IGDCC3: variants seen among roughly 807,000 people sequenced by gnomAD.
IGDCC3 encodes immunoglobulin superfamily DCC subclass member 3, also known as putative neuronal cell adhesion molecule.
IGDCC3 carries 47 observed loss-of-function variants against 72.0 expected under a neutral mutation model. That is an observed-to-expected ratio of 0.65 (90% CI 0.52 to 0.83). The LOEUF is 0.83. Ranked by LOEUF, IGDCC3 falls within the 40% of genes least tolerant of loss-of-function variation. The pLI is 0.00. For missense variants in IGDCC3, 1,038 were observed against 1,091.3 expected, an observed-to-expected ratio of 0.95 and a Z score of 0.69; for synonymous variants, 477 against 472.8, an observed-to-expected ratio of 1.01 and a Z score of -0.11.
chr15:65,335,658 A>G (rs902150467), intron 3 of IGDCC3, among the ~76,000 whole-genome samples, 154 bp downstream of exon 3: 7 of 152,160 alleles, frequency 4.6e-5, no homozygotes, highest in Non-Finnish European at 8.8e-5. Flanking sequence ...AGTCATGTGG[A>G]TACCCAGTCT....
At chr15:65,342,152 C>T (rs1260846582) in intron 2 of IGDCC3, among the ~76,000 whole-genome samples, 1 of 150,400 alleles carries the variant, frequency 6.6e-6, no homozygotes, top group Non-Finnish European at 1.5e-5. Flanking sequence ...TTTGGGAGGC[C>T]GAGGCGGGTG....
intron 3 of IGDCC3, 145 bp from the exon 4 acceptor site, chr15:65,335,566 T>G (rs2091020894): frequency 4.2e-6 from 4 of 947,590 alleles, no homozygotes; most frequent in Admixed American, 2.2e-5. Context: ...CTTTCAAAGG[T>G]GGACACACCC....
intron 2 of IGDCC3, among the ~76,000 whole-genome samples, chr15:65,345,274 C>T (rs1045521932): frequency 1.3e-5 from 2 of 151,952 alleles, no homozygotes; most frequent in African/African-American, 2.4e-5. Context: ...GGATGATGGC[C>T]AGGTGCAGTG....
chr15:65,371,597 T>A (rs1025944899), intron 2 of IGDCC3, among the ~76,000 whole-genome samples: 5 of 152,220 alleles, frequency 3.3e-5, no homozygotes, highest in African/African-American at 1.2e-4. Context: ...TTATCAAGAT[T>A]CCCAGGTGAT....
At chr15:65,353,735 A>G (rs999410907) in intron 2 of IGDCC3, among the ~76,000 whole-genome samples, 3 of 152,210 alleles carry the variant, frequency 2.0e-5, no homozygotes, top group Non-Finnish European at 4.4e-5. Flanking sequence ...CACCAGCACC[A>G]TGACAGTTTA....
At chr15:65,364,654 AG>A (rs1007569817) in intron 2 of IGDCC3, among the ~76,000 whole-genome samples, 109 of 152,240 alleles carry the variant, frequency 7.2e-4, no homozygotes, top group African/African-American at 2.6e-3. Flanking sequence ...TGGGAGGGTG[AG>A]GTGGGAGGAT....
At chr15:65,331,334 C>T (rs958162024) in intron 8 of IGDCC3, 78 bp downstream of exon 8, 47 of 1,563,072 alleles carry the variant, frequency 3.0e-5, no homozygotes, top group South Asian at 2.3e-4. Context: ...AGGGAGGCAT[C>T]GGGTCACGAC....
chr15:65,330,469 G>A, intron 10 of IGDCC3, 72 bp from the exon 11 acceptor site: 1 of 1,572,872 alleles, frequency 6.4e-7, no homozygotes, highest in Non-Finnish European at 8.7e-7. Flanking sequence ...AGGAAAGGGA[G>A]GTGACCCCTG....
At chr15:65,344,313 G>A (rs908310267) in intron 2 of IGDCC3, among the ~76,000 whole-genome samples, 7 of 152,094 alleles carry the variant, frequency 4.6e-5, no homozygotes, top group African/African-American at 1.4e-4. Context: ...GGATGCCTCC[G>A]TCTGCCTTCT....
At chr15:65,355,693 C>A in intron 2 of IGDCC3, 1 of 401,762 alleles carries the variant, frequency 2.5e-6, no homozygotes, top group Non-Finnish European at 4.9e-6. Context: ...CAATAGTGTC[C>A]GCGCTGAATG....
rs560336916 is a variant in IGDCC3, at chr15:65,375,111, C to T, written c.395G>A (p.Arg132His). The T allele has an allele frequency of 1.1e-5, 17 of 1,612,126 alleles. No individual in the cohort carries two copies. Among genetic ancestry groups the T allele is most frequent in the African/African-American group, 4.0e-5 (3 of 75,034 alleles). ...RFGLVVSRKA[R>H]IQAATMSDFH... ...TATCCACTTACTTGCAGCTTGGATG[C>T]GAGCCTTCCGGCTGACCACCAGCCC... Residue 132 changes from arginine to histidine, a missense_variant, in exon 2 of 14, where the codon CGC becomes CAC. Physicochemically the swap from Arg to His is conservative, Grantham distance 29. Transcript: ENST00000327987.
intron 2 of IGDCC3, chr15:65,355,721 C>T (rs1471996818): frequency 2.2e-6 from 1 of 445,256 alleles, no homozygotes; most frequent in South Asian, 1.6e-5. Flanking sequence ...CTAATTACCT[C>T]GCTCGCACCA....
chr15:65,354,124 T>A (rs892961694), intron 2 of IGDCC3, among the ~76,000 whole-genome samples: 3 of 152,186 alleles, frequency 2.0e-5, no homozygotes, highest in Non-Finnish European at 2.9e-5. Context: ...CAGGCTGGTC[T>A]CGAACTCCTG....
Position 65,329,110 on chromosome 15 carries a change from C to G in IGDCC3, c.2244G>C (p.Gln748His). The G allele has an allele frequency of 6.2e-7, 1 of 1,610,344 alleles. No individual in the cohort carries two copies. Among genetic ancestry groups the G allele is most frequent in the Non-Finnish European group, 8.5e-7 (1 of 1,178,876 alleles). Reference sequence around the variant, plus strand: ...ACCCCTGAAGTGGCAGCACGGAGAGCTGGGTCTCCTCACACGGAGCGGGGG... The same window carrying G: ...ACCCCTGAAGTGGCAGCACGGAGAGGTGGGTCTCCTCACACGGAGCGGGGG... ...PAAPAPCEET[Q>H]LSVLPLQGCG... The change falls in exon 14 of 14, where the codon CAG becomes CAC. Residue 748 changes from glutamine to histidine, a missense_variant. Gln to His is a conservative substitution (Grantham distance 24). Coordinates refer to ENST00000327987, the MANE Select transcript of IGDCC3 (RefSeq NM_004884.4). This position sits in a 1 kb window ranked among gnomAD's most constrained non-coding sequence, Gnocchi z 4.1.
In IGDCC3 at chr15:65,330,544, C is replaced by T. The variant is rs372755982; in HGVS notation, c.1753+6G>A. ...CCCCCTAGGCTCTGGGCTGTGTCTGCCTCACCGAGCTGGCTGAGGTTGTAG... is the reference window on the plus strand; with the variant it reads ...CCCCCTAGGCTCTGGGCTGTGTCTGTCTCACCGAGCTGGCTGAGGTTGTAG... On this transcript the variant is annotated splice_donor_region_variant and intron_variant, in intron 10 of 13. Coordinates refer to ENST00000327987, the MANE Select transcript of IGDCC3 (RefSeq NM_004884.4). The T allele has an allele frequency of 7.4e-6, 12 of 1,612,210 alleles. No homozygotes were observed. The African/African-American group carries it at 1.6e-4, about 22-fold the overall frequency.
intron 2 of IGDCC3, chr15:65,356,227 A>C (rs1004901832): frequency 1.3e-5 from 2 of 155,064 alleles, no homozygotes; most frequent in Non-Finnish European, 2.9e-5. Flanking sequence ...CACCAACCTG[A>C]AAGGACTGCC....
chr15:65,347,757 C>G (rs892819068), intron 2 of IGDCC3, among the ~76,000 whole-genome samples: 1 of 152,094 alleles, frequency 6.6e-6, no homozygotes, highest in Non-Finnish European at 1.5e-5. Flanking sequence ...ATGGCGAAAC[C>G]CTGTCCTTAC....
chr15:65,344,026 C>A (rs981722863), intron 2 of IGDCC3, among the ~76,000 whole-genome samples: 2 of 152,200 alleles, frequency 1.3e-5, no homozygotes, highest in African/African-American at 4.8e-5. Flanking sequence ...AAACCCCACA[C>A]TGACTGGCTG....
chr15:65,335,371 T>G lies in IGDCC3; in HGVS notation c.605A>C (p.Glu202Ala), dbSNP rs1238114993. 3 of 1,613,888 alleles carry G rather than the reference T, an allele frequency of 1.9e-6. No individual in the cohort carries two copies. The South Asian group carries it at 3.3e-5, about 18-fold the overall frequency. The part of the protein sequence containing the change: ...GVLQITGLRA[E>A]DGGIFHCVAS... ...CACACAGTGGAAGATGCCACCGTCC[T>G]CAGCTCGAAGTCCTGTGATCTGCAG... The change falls in exon 4 of 14, where the codon GAG becomes GCG. Residue 202 changes from glutamate (E) to alanine (A), a missense_variant. Coordinates refer to ENST00000327987, the MANE Select transcript of IGDCC3 (RefSeq NM_004884.4).
Sources: allele counts gnomAD v4.1 joint callset (sites outside exome capture counted in the v4.1 genomes callset), GRCh38; gene constraint gnomAD v4.1.1; non-coding constraint Gnocchi (gnomAD v3.1); transcripts MANE v1.5; gene names NCBI Gene and HGNC (gene_info 2026-07-23, HGNC 2026-07-21).